The following COX10 variants were observed in gnomAD, a reference collection of about 807,000 sequenced individuals.
COX10 encodes the protein protoheme IX farnesyltransferase, mitochondrial.
A neutral mutation model predicts 37.3 loss-of-function variants in COX10; 27 were observed. That is an observed-to-expected ratio of 0.72 (90% CI 0.53 to 1.00). COX10 has a LOEUF of 1.00. COX10 is among the 50% of genes least tolerant of loss of function. The probability of loss-of-function intolerance (pLI) is 0.00; values close to 1 mark genes in which losing one functional copy is unlikely to be tolerated. For missense variants in COX10, 475 were observed against 563.2 expected (o/e 0.84, Z 1.59); for synonymous variants, 222 against 229.1 (o/e 0.97, Z 0.28).
At chr17:14,124,655 TTGC>T (rs546299428) in intron 4 of COX10, among the ~76,000 whole-genome samples, 302 of 152,298 alleles carry the variant, frequency 2.0e-3, no homozygotes, top group Middle Eastern at 6.8e-3. Flanking sequence ...AAAAAGTGAC[TTGC>T]CATGTTCTTG....
intron 5 of COX10, among the ~76,000 whole-genome samples, chr17:14,180,900 G>T (rs1218216200): frequency 1.3e-5 from 2 of 152,126 alleles, no homozygotes; most frequent in East Asian, 1.9e-4. Context: ...GTTTGTAAAG[G>T]TTCCTTTGGG....
intron 3 of COX10, among the ~76,000 whole-genome samples, chr17:14,094,157 A>G (rs1915590683): frequency 1.3e-5 from 2 of 152,346 alleles, no homozygotes; most frequent in South Asian, 2.1e-4. Context: ...ATGGTTGTCC[A>G]TATAGAAAAT....
At chr17:14,168,131 A>T (rs1905343698) in intron 5 of COX10, among the ~76,000 whole-genome samples, 1 of 152,260 alleles carries the variant, frequency 6.6e-6, no homozygotes, top group Non-Finnish European at 1.5e-5. Context: ...CAAGTGGGAG[A>T]AATTGGCCAA....
At position 14,108,306 on chromosome 17, in the gene COX10, A is replaced by G. The variant is rs76305932; in HGVS notation, c.624+6064A>G. On this transcript the variant is annotated intron_variant, in intron 4 of 6. Transcript: ENST00000261643. ...GTACATACATTAGATCATTTGTTTG[A>G]GTCTAGGTTCATCAGGTTTCAAAAA... Among the ~76,000 whole-genome samples, 662 of 152,292 alleles carry G rather than the reference A, an allele frequency of 4.3e-3. 23 individuals carry two copies. In the East Asian group the frequency reaches 0.083, roughly 19 times the overall value.
chr17:14,146,803 A>G (rs1165884758), intron 4 of COX10, among the ~76,000 whole-genome samples: 1 of 152,190 alleles, frequency 6.6e-6, no homozygotes, highest in Non-Finnish European at 1.5e-5. Flanking sequence ...AGGAAAAACA[A>G]TCTAATAATC....
chr17:14,156,545 C>G (rs1302279416), intron 4 of COX10, among the ~76,000 whole-genome samples: 1 of 151,988 alleles, frequency 6.6e-6, no homozygotes, highest in Admixed American at 6.6e-5. Flanking sequence ...GAAATTTAAC[C>G]CTAATTTCTC....
chr17:14,126,529 A>T (rs568043758), intron 4 of COX10, among the ~76,000 whole-genome samples: 1 of 152,130 alleles, frequency 6.6e-6, no homozygotes, highest in Non-Finnish European at 1.5e-5. Context: ...GATGTGTTCA[A>T]ATTTTAGTAT....
At chr17:14,174,456 CA>C (rs61593222) in intron 5 of COX10, among the ~76,000 whole-genome samples, 5,896 of 66,164 alleles carry the variant, frequency 0.089, 196 homozygotes, top group African/African-American at 0.22. Context: ...AAGACCCTGT[CA>C]AAAAAAAAAA....
intron 4 of COX10, among the ~76,000 whole-genome samples, chr17:14,145,064 G>A (rs1904670563): frequency 6.6e-6 from 1 of 152,018 alleles, no homozygotes; most frequent in Non-Finnish European, 1.5e-5. Flanking sequence ...TAGGAGAGAA[G>A]AGGCTGTACA....
chr17:14,174,617 C>T (rs397834680), intron 5 of COX10, among the ~76,000 whole-genome samples: 13 of 152,134 alleles, frequency 8.5e-5, no homozygotes, highest in Admixed American at 2.0e-4. Flanking sequence ...ATTAGCATAA[C>T]TAACATTTAT....
At chr17:14,073,407 A>G (rs1915073546) in intron 1 of COX10, among the ~76,000 whole-genome samples, 1 of 152,198 alleles carries the variant, frequency 6.6e-6, no homozygotes, top group South Asian at 2.1e-4. Flanking sequence ...TTTATGTACA[A>G]TAGGGAACAG....
At chr17:14,131,248 AG>A (rs1916458207) in intron 4 of COX10, among the ~76,000 whole-genome samples, 1 of 152,110 alleles carries the variant, frequency 6.6e-6, no homozygotes, top group Non-Finnish European at 1.5e-5. Flanking sequence ...AGCCAAAAGG[AG>A]ATTGTTTAAA....
intron 3 of COX10, among the ~76,000 whole-genome samples, chr17:14,093,284 T>C (rs940942221): frequency 8.5e-5 from 13 of 152,100 alleles, no homozygotes; most frequent in African/African-American, 3.1e-4. Context: ...AAATAGTGAG[T>C]CATTAAGACA....
chr17:14,083,011 G>A (rs923789295), intron 3 of COX10, among the ~76,000 whole-genome samples: 5 of 152,196 alleles, frequency 3.3e-5, no homozygotes, highest in African/African-American at 9.6e-5. Context: ...GAGAGCCAGC[G>A]GAGCCGGTCA....
At chr17:14,166,385 A>G (rs565156590) in intron 5 of COX10, among the ~76,000 whole-genome samples, 1 of 152,344 alleles carries the variant, frequency 6.6e-6, no homozygotes, top group African/African-American at 2.4e-5. Flanking sequence ...TACTCTATAA[A>G]TGGAAAACAA....
chr17:14,117,788 C>CT (rs1484895244), intron 4 of COX10, among the ~76,000 whole-genome samples: 4 of 152,198 alleles, frequency 2.6e-5, no homozygotes, highest in Non-Finnish European at 4.4e-5. Flanking sequence ...GTTAGACCTT[C>CT]TGCCTTATCC....
intron 4 of COX10, among the ~76,000 whole-genome samples, chr17:14,142,716 C>T (rs892057113): frequency 5.3e-5 from 8 of 152,098 alleles, no homozygotes; most frequent in African/African-American, 1.9e-4. Flanking sequence ...TCCCAGTTTG[C>T]TATTAAAAAG....
intron 3 of COX10, among the ~76,000 whole-genome samples, chr17:14,099,497 C>T (rs187473062): frequency 4.6e-5 from 7 of 152,206 alleles, no homozygotes; most frequent in Admixed American, 1.3e-4. Context: ...CTACCAGTTT[C>T]TCCAGCATGT....
Position 14,140,470 on chromosome 17 carries a change from G to A in COX10, c.625-19407G>A, listed in dbSNP as rs199853281. 4.6e-5 allele frequency among the ~76,000 whole-genome samples: 7 copies of A among 152,014 alleles called. No homozygotes were observed. In the East Asian group the frequency reaches 1.2e-3, roughly 25 times the overall value. On this transcript the variant is annotated intron_variant, in intron 4 of 6. Coordinates refer to ENST00000261643, the MANE Select transcript of COX10 (RefSeq NM_001303.4). ...CTACAGTAGATACTTTTTATGGTTG[G>A]CATGTAGTTTTCTCCTCTATTTCTG...
Sources: gnomAD v4.1 joint callset for allele counts (sites outside exome capture counted in the v4.1 genomes callset) on GRCh38, gnomAD v4.1.1 for gene constraint, MANE v1.5 for transcripts, NCBI Gene and HGNC (gene_info 2026-07-23, HGNC 2026-07-21) for gene names.